The following MARK3 variants were observed in gnomAD, a reference collection of about 807,000 sequenced individuals.
MARK3 encodes the protein microtubule affinity regulating kinase 3, also known as MAP/microtubule affinity-regulating kinase 3.
A neutral mutation model predicts 90.1 loss-of-function variants in MARK3; 46 were observed. The ratio of observed to expected loss-of-function variants is 0.51; its 90% confidence interval spans 0.40 to 0.65. The LOEUF (loss-of-function observed/expected upper bound fraction) is 0.65, where lower values mean the gene tolerates loss of function less well. MARK3 is among the 30% of genes least tolerant of loss of function. The pLI is 0.00. For missense variants in MARK3, 818 were observed against 947.2 expected (o/e 0.86, Z 1.79); for synonymous variants, 321 against 332.6 (o/e 0.97, Z 0.38).
intron 1 of MARK3, among the ~76,000 whole-genome samples, chr14:103,392,833 C>T (rs966855040): frequency 6.7e-6 from 1 of 150,312 alleles, no homozygotes; most frequent in South Asian, 2.1e-4. Flanking sequence ...TTTCCTGAGG[C>T]GGAGTCTCAC....
intron 6 of MARK3, among the ~76,000 whole-genome samples, chr14:103,460,053 G>A (rs1338999129): frequency 4.5e-5 from 5 of 111,518 alleles, no homozygotes; most frequent in African/African-American, 1.7e-4. Flanking sequence ...CCAAGAAAAA[G>A]AATAGATTTC....
chr14:103,396,048 G>A (rs1456272975), intron 1 of MARK3, among the ~76,000 whole-genome samples: 1 of 152,190 alleles, frequency 6.6e-6, no homozygotes, highest in East Asian at 1.9e-4. Context: ...GTGGCTTTCT[G>A]CTTTCTCTGC....
intron 14 of MARK3, among the ~76,000 whole-genome samples, chr14:103,486,418 G>A (rs996373090): frequency 5.7e-4 from 86 of 152,114 alleles, no homozygotes; most frequent in African/African-American, 2.0e-3. Context: ...CAGCCTGGAC[G>A]GTAGAGCCAG....
intron 14 of MARK3, among the ~76,000 whole-genome samples, chr14:103,483,418 AC>A (rs1196377242): frequency 6.6e-6 from 1 of 152,232 alleles, no homozygotes; most frequent in Non-Finnish European, 1.5e-5. Context: ...CAGAGACTCC[AC>A]ATATCTTAAG....
chr14:103,452,573 G>A (rs530217348), intron 5 of MARK3, among the ~76,000 whole-genome samples: 3 of 145,088 alleles, frequency 2.1e-5, no homozygotes, highest in Non-Finnish European at 3.0e-5. Context: ...CCGGGTTCAC[G>A]CCATTCTCCT....
chr14:103,478,073 G>C (rs1282480409), intron 13 of MARK3, among the ~76,000 whole-genome samples: 1 of 151,714 alleles, frequency 6.6e-6, no homozygotes, highest in African/African-American at 2.4e-5. Context: ...GAAGTGGGCA[G>C]ATCACAAGGT....
At chr14:103,442,780 A>G (rs1284456485) in intron 3 of MARK3, among the ~76,000 whole-genome samples, 4 of 152,236 alleles carry the variant, frequency 2.6e-5, no homozygotes, top group Admixed American at 6.5e-5. Context: ...ATTATTAAAC[A>G]AGAATGACAA....
chr14:103,416,377 A>G (rs7149291), intron 2 of MARK3, among the ~76,000 whole-genome samples: 147,263 of 152,292 alleles, frequency 0.97, 71,363 homozygotes, highest in East Asian at 1. Context: ...TAATCTCATA[A>G]AAAGGAGGAA....
At chr14:103,471,919 A>G (rs1424706506) in intron 12 of MARK3, among the ~76,000 whole-genome samples, 2 of 152,238 alleles carry the variant, frequency 1.3e-5, no homozygotes, top group African/African-American at 2.4e-5. Flanking sequence ...GAGTTAAGAT[A>G]CAAATATAGG....
In MARK3 at chr14:103,406,667, A is replaced by G. The variant is rs575589368; in HGVS notation, c.243+1400A>G. The stretch of plus-strand genomic sequence containing the variant: ...ACCCAGGCTGGAGTGCAGTGGTGCA[A>G]TCTCGGCTCACTGCAAGCTCCGCCT... On this transcript the variant is annotated intron_variant, in intron 2 of 17. Coordinates refer to ENST00000429436, the MANE Select transcript of MARK3 (RefSeq NM_001128918.3). 1.1e-4 allele frequency among the ~76,000 whole-genome samples: 15 copies of G among 140,908 alleles called. No individual in the cohort carries two copies. In the East Asian group the frequency reaches 2.1e-3, roughly 20 times the overall value. The allele number at this position is 140,908 out of a possible 152,430, so 92.4% of individuals were successfully genotyped here.
rs201120664 is a variant in MARK3 at position 103,462,389 on chromosome 14, C to T, written c.484-16C>T. On this transcript the variant is annotated splice_polypyrimidine_tract_variant and intron_variant, in intron 6 of 17. Coordinates refer to ENST00000429436, the MANE Select transcript of MARK3 (RefSeq NM_001128918.3). ...TCTGCACCAGTGATGACTGACTCTG[C>T]GTCTCTCCTATTCAGATTGTGTCTG... The T allele has an allele frequency of 8.2e-6, 13 of 1,580,174 alleles. No individual in the cohort carries two copies. Among genetic ancestry groups the T allele is most frequent in the East Asian group, 4.5e-5 (2 of 44,084 alleles).
intron 5 of MARK3, 119 bp from the exon 6 acceptor site, chr14:103,457,023 G>A: frequency 1.8e-6 from 1 of 549,300 alleles, no homozygotes; most frequent in South Asian, 3.0e-5. Flanking sequence ...ACATATTTCT[G>A]GCTAACTTTA....
At chr14:103,408,051 G>A (rs185211043) in intron 2 of MARK3, among the ~76,000 whole-genome samples, 68 of 152,188 alleles carry the variant, frequency 4.5e-4, no homozygotes, top group African/African-American at 1.5e-3. Context: ...GGAATTGCTC[G>A]TTTGTCTGTC....
At chr14:103,427,748 T>A (rs773461756) in intron 2 of MARK3, among the ~76,000 whole-genome samples, 3 of 151,918 alleles carry the variant, frequency 2.0e-5, no homozygotes, top group Non-Finnish European at 4.4e-5. Flanking sequence ...GTGGTGGGAG[T>A]GTCTTTTAGC....
At chr14:103,412,916 C>T (rs1421663729) in intron 2 of MARK3, among the ~76,000 whole-genome samples, 1 of 150,988 alleles carries the variant, frequency 6.6e-6, no homozygotes, top group Non-Finnish European at 1.5e-5. Flanking sequence ...CTCTTGTTGC[C>T]CAGGCTAGAG....
Position 103,428,369 on chromosome 14 carries a change from A to C in MARK3, c.244-18A>C. 1 of 1,289,332 alleles carries C rather than the reference A, an allele frequency of 7.8e-7. No homozygotes were observed. Among genetic ancestry groups the C allele is most frequent in the South Asian group, 1.4e-5 (1 of 72,402 alleles). 79.9% of individuals were successfully genotyped at this position (1,289,332 alleles called of 1,614,324 possible). A position where few individuals can be genotyped will look rare whatever the true frequency, so the allele number is the denominator to read the frequency against. On this transcript the variant is annotated intron_variant, in intron 2 of 17. Transcript: ENST00000429436. The stretch of plus-strand genomic sequence containing the variant: ...TACTAAATTCTTAAAATCCATAAAT[A>C]TTTATTATTCTTTCTAGGTTGCAAT...
chr14:103,453,108 A>G (rs1013045901), intron 5 of MARK3, among the ~76,000 whole-genome samples: 1 of 152,174 alleles, frequency 6.6e-6, no homozygotes, highest in African/African-American at 2.4e-5. Flanking sequence ...ACTAGTAACT[A>G]TTTGCCTATG....
rs2089749399 is a variant in MARK3, at chr14:103,385,933, G to C, written c.-97G>C. The C allele has an allele frequency of 2.0e-6, 2 of 1,013,388 alleles. No individual in the cohort carries two copies. Among genetic ancestry groups the C allele is most frequent in the Admixed American group, 3.5e-5 (2 of 57,172 alleles). 62.8% of individuals were successfully genotyped at this position (1,013,388 alleles called of 1,614,324 possible). A position where few individuals can be genotyped will look rare whatever the true frequency, so the allele number is the denominator to read the frequency against. The stretch of plus-strand genomic sequence containing the variant: ...GCCGCCCTCCCCACGGCGCCTTTTC[G>C]GAACTGCCGTGGACTCGAGGACGCT... On this transcript the variant is annotated 5_prime_UTR_variant, in exon 1 of 18. Transcript: ENST00000429436.
rs183054032 is a variant in MARK3, at chr14:103,453,231, G to A, written c.412+1248G>A. On this transcript the variant is annotated intron_variant, in intron 5 of 17. Coordinates refer to ENST00000429436, the MANE Select transcript of MARK3 (RefSeq NM_001128918.3). ...CTGGGTTTGTAGTTTGCGACCACACGTGAGTTTCATTGTCTGTGAAGGGCA... is the reference window on the plus strand; with the variant it reads ...CTGGGTTTGTAGTTTGCGACCACACATGAGTTTCATTGTCTGTGAAGGGCA... Among the ~76,000 whole-genome samples, 10 of 152,262 alleles carry A rather than the reference G, an allele frequency of 6.6e-5. No individual in the cohort carries two copies. In the East Asian group the frequency reaches 7.7e-4, roughly 12 times the overall value.
Sources: allele counts gnomAD v4.1 joint callset (sites outside exome capture counted in the v4.1 genomes callset), GRCh38; gene constraint gnomAD v4.1.1; transcripts MANE v1.5; gene names NCBI Gene and HGNC (gene_info 2026-07-23, HGNC 2026-07-21).